Variants in KLF7 observed in about 807,000 individuals in gnomAD.
KLF7 encodes the protein Krueppel-like factor 7.
In KLF7, 2 loss-of-function variants were observed where a neutral mutation model predicts 27.3. The ratio of observed to expected loss-of-function variants is 0.07; its 90% CI spans 0.03 to 0.23. KLF7 has a LOEUF of 0.23. KLF7 is among the 10% of genes least tolerant of loss of function. The pLI, the probability that KLF7 is intolerant of heterozygous loss-of-function variation, is 1.00. For synonymous variants in KLF7, 165 were observed against 162.4 expected (o/e 1.02, Z -0.12); for missense variants, 221 against 394.1 (o/e 0.56, Z 3.72).
chr2:207,136,429 C>T (rs2106039494), intron 1 of KLF7, among the ~76,000 whole-genome samples: 1 of 150,754 alleles, frequency 6.6e-6, no homozygotes, highest in South Asian at 2.1e-4. Context: ...CGCAGACTCC[C>T]CAGGTCACTG....
At position 207,101,828 on chromosome 2, in the gene KLF7, AT is replaced by A. The variant is rs2105910329; in HGVS notation, c.734-13248del. 2.0e-5 allele frequency among the ~76,000 whole-genome samples: 3 copies of A among 152,254 alleles called. No individual in the cohort carries two copies. In the East Asian group the frequency reaches 5.8e-4, roughly 29 times the overall value. On this transcript the variant is annotated intron_variant, in intron 2 of 3. Transcript: ENST00000309446. The stretch of plus-strand genomic sequence containing the variant: ...AACTTCCTCTAGAAGAGACTATCAT[AT>A]TGTTTGAGTAAATTGTTTACATTCT...
Position 207,083,398 on chromosome 2 carries a change from C to A in KLF7, c.858-2134G>T, listed in dbSNP as rs544797796. On this transcript the variant is annotated intron_variant, in intron 3 of 3. Transcript: ENST00000309446. ...GAAAGAAGATCCAAGTTGGGACATT[C>A]TGTTTGTAGGTATTTCTTTTTTAAA... Among the ~76,000 whole-genome samples, 8 of 152,278 alleles carry A rather than the reference C, an allele frequency of 5.3e-5. No individual in the cohort carries two copies. In the South Asian group the frequency reaches 1.7e-3, roughly 32 times the overall value.
intron 1 of KLF7, among the ~76,000 whole-genome samples, chr2:207,161,375 C>G (rs570370337): frequency 2.6e-5 from 4 of 152,298 alleles, no homozygotes; most frequent in African/African-American, 9.6e-5. Flanking sequence ...TTATTTTATC[C>G]TTTCAGTGTG....
At chr2:207,155,687 G>C (rs546417651) in intron 1 of KLF7, among the ~76,000 whole-genome samples, 1 of 152,148 alleles carries the variant, frequency 6.6e-6, no homozygotes, top group Non-Finnish European at 1.5e-5. Context: ...AAATGAAGTC[G>C]ACTCAGGTCT....
At chr2:207,133,193 T>C (rs1201150710) in intron 1 of KLF7, among the ~76,000 whole-genome samples, 2 of 152,314 alleles carry the variant, frequency 1.3e-5, no homozygotes, top group Admixed American at 1.3e-4. Context: ...TGGCACTCAC[T>C]GGTGGAAATC....
At chr2:207,083,716 T>C (rs530648348) in intron 3 of KLF7, among the ~76,000 whole-genome samples, 1 of 152,340 alleles carries the variant, frequency 6.6e-6, no homozygotes, top group South Asian at 2.1e-4. Flanking sequence ...AATTAACTTA[T>C]GAATCAGCTG....
At position 207,152,272 on chromosome 2, in the gene KLF7, T is replaced by TACACACACACACAC. The variant is rs67380335; in HGVS notation, c.102+13181_102+13194dup. On this transcript the variant is annotated intron_variant, in intron 1 of 3. Transcript: ENST00000309446. ...CTAAGAACTGGTTACATGTTTTTCT[T>TACACACACACACAC]ACACACACACACACACACACACACA... Among the ~76,000 whole-genome samples the TACACACACACACAC allele has an allele frequency of 3.3e-3, 497 of 150,558 alleles. 4 individuals carry two copies. Among genetic ancestry groups the TACACACACACACAC allele is most frequent in the African/African-American group, 0.011 (449 of 40,672 alleles).
Position 207,115,368 on chromosome 2 carries a change from C to T in KLF7, c.733+8406G>A, listed in dbSNP as rs76786642. Reference sequence around the variant, plus strand: ...ATGTTGAAGGAGAAGGTAGGGTGAACAGAAATATGGAACAAAGCATGCTAA... The same window carrying T: ...ATGTTGAAGGAGAAGGTAGGGTGAATAGAAATATGGAACAAAGCATGCTAA... On this transcript the variant is annotated intron_variant, in intron 2 of 3. Coordinates refer to ENST00000309446, the MANE Select transcript of KLF7 (RefSeq NM_003709.4). Among the ~76,000 whole-genome samples, 19 of 152,226 alleles carry T rather than the reference C, an allele frequency of 1.2e-4. No homozygotes were observed. The East Asian group carries it at 3.7e-3, about 29-fold the overall frequency.
chr2:207,089,340 AG>A (rs1000544658), intron 2 of KLF7, among the ~76,000 whole-genome samples: 4 of 152,246 alleles, frequency 2.6e-5, no homozygotes, highest in African/African-American at 9.6e-5. Flanking sequence ...TTTTAGCCAC[AG>A]GGAAGCTGCT....
intron 1 of KLF7, 111 bp downstream of exon 1, chr2:207,165,356 A>G (rs1371937885): frequency 2.1e-6 from 3 of 1,460,008 alleles, no homozygotes; most frequent in Admixed American, 4.3e-5. Flanking sequence ...AAAAAGGAAG[A>G]AAAAAAAGTC....
At chr2:207,141,258 A>G (rs761733011) in intron 1 of KLF7, among the ~76,000 whole-genome samples, 4 of 152,190 alleles carry the variant, frequency 2.6e-5, no homozygotes, top group Non-Finnish European at 4.4e-5. Context: ...AGGTATCTCA[A>G]TTTCAGACTC....
At position 207,074,421 on chromosome 2, in the gene KLF7, G is replaced by A. The variant is rs1046355733; in HGVS notation, c.*6792C>T. On this transcript the variant is annotated 3_prime_UTR_variant, in exon 4 of 4. Coordinates refer to ENST00000309446, the MANE Select transcript of KLF7 (RefSeq NM_003709.4). ...TTTCCTGGAAGTCGTGTGTGGCAGAGATTTTAGTACTTTTCTTTTCAGTTC... is the reference window on the plus strand; with the variant it reads ...TTTCCTGGAAGTCGTGTGTGGCAGAAATTTTAGTACTTTTCTTTTCAGTTC... 6.6e-6 allele frequency: 1 copy of A among 152,196 alleles called. No homozygotes were observed. The highest frequency in any genetic ancestry group is 1.5e-5 in the Non-Finnish European group (1 of 68,100). 9.4% of individuals were successfully genotyped at this position (152,196 alleles called of 1,614,324 possible).
chr2:207,152,895 G>C (rs2078283372), intron 1 of KLF7, among the ~76,000 whole-genome samples: 2 of 152,158 alleles, frequency 1.3e-5, no homozygotes, highest in Non-Finnish European at 1.5e-5. Flanking sequence ...GGTGGAAATA[G>C]TGGGGACAGG....
Position 207,077,239 on chromosome 2 carries a change from T to C in KLF7, c.*3974A>G, listed in dbSNP as rs1418662808. On this transcript the variant is annotated 3_prime_UTR_variant, in exon 4 of 4. Coordinates refer to ENST00000309446, the MANE Select transcript of KLF7 (RefSeq NM_003709.4). Reference sequence around the variant, plus strand: ...ATGCAGGAATAAAGGCAAGAGGCAATGTTCCGAATGCACTGGAAGAGCCAT... The same window carrying C: ...ATGCAGGAATAAAGGCAAGAGGCAACGTTCCGAATGCACTGGAAGAGCCAT... The C allele has an allele frequency of 6.6e-6, 1 of 152,202 alleles. No individual in the cohort carries two copies. Among genetic ancestry groups the C allele is most frequent in the Non-Finnish European group, 1.5e-5 (1 of 68,046 alleles). The allele number at this position is 152,202 out of a possible 1,614,324, so 9.4% of individuals were successfully genotyped here. A position where few individuals can be genotyped will look rare whatever the true frequency, so the allele number is the denominator to read the frequency against.
intron 1 of KLF7, among the ~76,000 whole-genome samples, chr2:207,143,483 A>C (rs892495233): frequency 6.6e-6 from 1 of 150,824 alleles, no homozygotes; most frequent in Non-Finnish European, 1.5e-5. Context: ...CAGTTGAGGG[A>C]ACTGAAGGTT....
At chr2:207,160,036 G>C (rs2078496862) in intron 1 of KLF7, among the ~76,000 whole-genome samples, 1 of 152,184 alleles carries the variant, frequency 6.6e-6, no homozygotes, top group Non-Finnish European at 1.5e-5. Context: ...GGGAATTTTA[G>C]ATAGAATAAG....
intron 1 of KLF7, among the ~76,000 whole-genome samples, chr2:207,135,518 T>G (rs965166792): frequency 2.0e-5 from 3 of 152,216 alleles, no homozygotes; most frequent in Admixed American, 2.0e-4. Flanking sequence ...ATGTGACTCT[T>G]CAAAGATACC....
chr2:207,167,064 G>A (rs1359729545), upstream of KLF7: 1 of 1,287,104 alleles, frequency 7.8e-7, no homozygotes, highest in Admixed American at 3.5e-5. Context: ...AAAGAGGCTA[G>A]AGGGAGCCTA....
In KLF7 at chr2:207,076,924, T is replaced by C. The variant is rs1234616045; in HGVS notation, c.*4289A>G. ...ATGTTCATTTTGGCAATGTTCTGGG[T>C]GCAAAATTGTAGCCAGAAATGCTGG... On this transcript the variant is annotated 3_prime_UTR_variant, in exon 4 of 4. Transcript: ENST00000309446. 1 of 152,180 alleles carries C rather than the reference T, an allele frequency of 6.6e-6. No individual in the cohort carries two copies. The highest frequency in any genetic ancestry group is 1.5e-5 in the Non-Finnish European group (1 of 68,036). 9.4% of individuals were successfully genotyped at this position (152,180 alleles called of 1,614,324 possible).
Sources: allele counts gnomAD v4.1 joint callset (sites outside exome capture counted in the v4.1 genomes callset), GRCh38; gene constraint gnomAD v4.1.1; transcripts MANE v1.5; gene names NCBI Gene and HGNC (gene_info 2026-07-23, HGNC 2026-07-21).